GULP1: variants seen among roughly 807,000 people sequenced by gnomAD.
GULP1 encodes PTB domain-containing engulfment adapter protein 1.
In GULP1, 19 loss-of-function variants were observed where a neutral mutation model predicts 40.9. The observed-to-expected ratio is 0.46, with a 90% CI of 0.32 to 0.68. GULP1 has a LOEUF of 0.68. Among genes scored for constraint, GULP1 ranks in the 30% least tolerant of loss-of-function variants. The pLI, the probability that GULP1 is intolerant of heterozygous loss-of-function variation, is 0.03. For synonymous variants in GULP1, 119 were observed against 117.6 expected (o/e 1.01, Z -0.08); for missense variants, 312 against 362.2 (o/e 0.86, Z 1.12).
intron 9 of GULP1, among the ~76,000 whole-genome samples, chr2:188,572,720 T>C (rs1307651929): frequency 6.6e-6 from 1 of 152,142 alleles, no homozygotes; most frequent in East Asian, 1.9e-4. Flanking sequence ...TAAGATAGAA[T>C]CTGGAGGACA....
chr2:188,580,367 A>C (rs548227692), intron 9 of GULP1, among the ~76,000 whole-genome samples: 4 of 151,824 alleles, frequency 2.6e-5, no homozygotes, highest in Admixed American at 1.3e-4. Context: ...TCCCGGCTAA[A>C]ACGGTGAAAC....
chr2:188,300,815 T>C (rs2035996467), intron 1 of GULP1, among the ~76,000 whole-genome samples: 1 of 152,202 alleles, frequency 6.6e-6, no homozygotes, highest in African/African-American at 2.4e-5. Context: ...CTGGACCACC[T>C]TGAAGTTCCA....
chr2:188,573,707 C>T (rs1284851787), intron 9 of GULP1, among the ~76,000 whole-genome samples: 1 of 151,990 alleles, frequency 6.6e-6, no homozygotes, highest in African/African-American at 2.4e-5. Flanking sequence ...AGTAAGTTCT[C>T]ATCAGTTTAT....
At chr2:188,385,174 C>G (rs1225025485) in intron 2 of GULP1, among the ~76,000 whole-genome samples, 1 of 152,206 alleles carries the variant, frequency 6.6e-6, no homozygotes, top group Non-Finnish European at 1.5e-5. Context: ...CAGCAAACTT[C>G]TGCCTGGACA....
At chr2:188,548,657 T>G (rs984221359) in intron 7 of GULP1, among the ~76,000 whole-genome samples, 1 of 152,008 alleles carries the variant, frequency 6.6e-6, no homozygotes, top group African/African-American at 2.4e-5. Context: ...TGAAAGTAAT[T>G]CATCTACCCT....
chr2:188,337,835 C>T (rs191919955), intron 1 of GULP1, among the ~76,000 whole-genome samples: 11 of 152,060 alleles, frequency 7.2e-5, no homozygotes, highest in African/African-American at 2.7e-4. Context: ...AACTAGGGTC[C>T]ATTTACATTG....
intron 4 of GULP1, among the ~76,000 whole-genome samples, chr2:188,488,248 A>T (rs1366646623): frequency 6.6e-6 from 1 of 152,022 alleles, no homozygotes; most frequent in Non-Finnish European, 1.5e-5. Context: ...TAGTTGCTGC[A>T]TCCTATTACA....
At position 188,497,260 on chromosome 2, in the gene GULP1, T is replaced by A. The variant is rs560583035; in HGVS notation, c.90+13768T>A. Among the ~76,000 whole-genome samples, 11 of 152,160 alleles carry A rather than the reference T, an allele frequency of 7.2e-5. No homozygotes were observed. In the Middle Eastern group the frequency reaches 0.01, roughly 141 times the overall value. ...AAATTAACAAATGAATATTATGTTATTTATTTAGTAAATTTCATAAGTAAT... is the reference window on the plus strand; with the variant it reads ...AAATTAACAAATGAATATTATGTTAATTATTTAGTAAATTTCATAAGTAAT... On this transcript the variant is annotated intron_variant, in intron 4 of 11. Transcript: ENST00000409830.
At chr2:188,590,849 G>A (rs1703410320) in intron 11 of GULP1, 1 of 152,112 alleles carries the variant, frequency 6.6e-6, no homozygotes. Context: ...TGTTAAGTCA[G>A]CTAGCTAGTA....
intron 2 of GULP1, among the ~76,000 whole-genome samples, chr2:188,408,583 T>C (rs889689992): frequency 4.6e-5 from 7 of 152,162 alleles, no homozygotes; most frequent in African/African-American, 7.2e-5. Context: ...GGGACTTTGA[T>C]ACCCCACTTT....
At chr2:188,484,097 G>A (rs927187156) in intron 4 of GULP1, among the ~76,000 whole-genome samples, 2 of 151,960 alleles carry the variant, frequency 1.3e-5, no homozygotes, top group Middle Eastern at 3.4e-3. Flanking sequence ...TAGAAGAGAC[G>A]GGGTTTCACC....
chr2:188,412,400 C>T (rs1398735166), intron 2 of GULP1, among the ~76,000 whole-genome samples: 1 of 152,098 alleles, frequency 6.6e-6, no homozygotes, highest in Non-Finnish European at 1.5e-5. Flanking sequence ...TTCAGTGACC[C>T]CAGCTAACAC....
intron 1 of GULP1, among the ~76,000 whole-genome samples, chr2:188,309,613 A>G (rs1160943579): frequency 6.6e-6 from 1 of 152,202 alleles, no homozygotes; most frequent in East Asian, 1.9e-4. Flanking sequence ...AGGCTGAGTA[A>G]CTACGGATCA....
chr2:188,492,540 G>C (rs2062493312), intron 4 of GULP1, among the ~76,000 whole-genome samples: 3 of 152,008 alleles, frequency 2.0e-5, no homozygotes, highest in African/African-American at 7.2e-5. Context: ...AGCCCAGTGA[G>C]ATTGGACTAT....
intron 4 of GULP1, among the ~76,000 whole-genome samples, chr2:188,504,068 T>A (rs1231609881): frequency 1.3e-5 from 2 of 151,862 alleles, no homozygotes; most frequent in African/African-American, 4.8e-5. Flanking sequence ...TACTACAGAG[T>A]ATCTCAAAAG....
chr2:188,334,399 C>T (rs1376566436), intron 1 of GULP1, among the ~76,000 whole-genome samples: 1 of 152,178 alleles, frequency 6.6e-6, no homozygotes, highest in Non-Finnish European at 1.5e-5. Context: ...AAGTGGTTCT[C>T]AACTCTGGCT....
At chr2:188,360,921 G>T (rs2152370285) in intron 1 of GULP1, among the ~76,000 whole-genome samples, 1 of 152,034 alleles carries the variant, frequency 6.6e-6, no homozygotes, top group East Asian at 1.9e-4. Context: ...CAATTGAAGG[G>T]TATTATTCAA....
At chr2:188,310,368 C>A (rs2106331482) in intron 1 of GULP1, among the ~76,000 whole-genome samples, 1 of 152,062 alleles carries the variant, frequency 6.6e-6, no homozygotes, top group South Asian at 2.1e-4. Flanking sequence ...TAAGAAATAT[C>A]AAGGAGATTG....
intron 4 of GULP1, among the ~76,000 whole-genome samples, chr2:188,501,573 A>G (rs770612008): frequency 6.6e-6 from 1 of 151,942 alleles, no homozygotes; most frequent in Non-Finnish European, 1.5e-5. Context: ...TCTAATCACT[A>G]TAGCATGCCA....
Sources: gnomAD v4.1 joint callset for allele counts (sites outside exome capture counted in the v4.1 genomes callset) on GRCh38, gnomAD v4.1.1 for gene constraint, MANE v1.5 for transcripts, NCBI Gene and HGNC (gene_info 2026-07-23, HGNC 2026-07-21) for gene names.